The following CLIC5 variants were observed in gnomAD, a reference collection of about 807,000 sequenced individuals.
CLIC5 encodes CLIC family member 5.
A neutral mutation model predicts 24.7 loss-of-function variants in CLIC5; 20 were observed. The observed-to-expected ratio is 0.81, with a 90% confidence interval of 0.57 to 1.18. The LOEUF is 1.18. CLIC5 is among the 50% of genes most tolerant of loss of function. The pLI is 0.00. For synonymous variants in CLIC5, 159 were observed against 135.6 expected (o/e 1.17, Z -1.20); for missense variants, 341 against 326.1 (o/e 1.05, Z -0.35).
the CLIC5 span, among the ~76,000 whole-genome samples, chr6:46,124,838 A>T: frequency 6.6e-6 from 1 of 152,236 alleles, no homozygotes; most frequent in African/African-American, 2.4e-5. Context: ...GCTCATCATC[A>T]CTGGCCATCA....
chr6:46,018,563 C>T (rs1318994957), upstream of CLIC5, among the ~76,000 whole-genome samples: 2 of 152,126 alleles, frequency 1.3e-5, no homozygotes, highest in Non-Finnish European at 2.9e-5. Context: ...CATATTATGC[C>T]TTAGCTCAAG....
chr6:45,982,185 A>G (rs1448405124), intron 1 of CLIC5, among the ~76,000 whole-genome samples: 1 of 152,010 alleles, frequency 6.6e-6, no homozygotes, highest in African/African-American at 2.4e-5. Flanking sequence ...GGAAAGGTGA[A>G]CAAACCTTGG....
intron 1 of CLIC5, among the ~76,000 whole-genome samples, chr6:45,976,315 T>C (rs4711839): frequency 0.66 from 99,718 of 152,018 alleles, 33,049 homozygotes; most frequent in Admixed American, 0.73. Context: ...TTTATTATTT[T>C]CTTGGTAGAT....
At chr6:46,062,028 T>A (rs561919650) in intron 1 of CLIC5, among the ~76,000 whole-genome samples, 2 of 152,354 alleles carry the variant, frequency 1.3e-5, no homozygotes, top group South Asian at 2.1e-4. Context: ...CAGTGGCCAT[T>A]AGCCACTTGT....
chr6:46,007,573 C>T (rs151132651), intron 1 of CLIC5, among the ~76,000 whole-genome samples: 28 of 152,318 alleles, frequency 1.8e-4, no homozygotes, highest in Non-Finnish European at 3.5e-4. Context: ...ACTTCTGCCT[C>T]AGGGCTCTCC....
chr6:45,907,665 G>A (rs1459809467), intron 5 of CLIC5, among the ~76,000 whole-genome samples: 1 of 151,990 alleles, frequency 6.6e-6, no homozygotes, highest in Non-Finnish European at 1.5e-5. Context: ...GGCTTTTACT[G>A]GTTGGTAGGT....
intron 1 of CLIC5, among the ~76,000 whole-genome samples, chr6:45,998,371 T>G (rs965935649): frequency 6.6e-6 from 1 of 152,150 alleles, no homozygotes; most frequent in African/African-American, 2.4e-5. Flanking sequence ...GTCTAAGCAG[T>G]AAATATCAAG....
At chr6:45,934,663 G>A (rs1031942809) in intron 4 of CLIC5, among the ~76,000 whole-genome samples, 2 of 152,222 alleles carry the variant, frequency 1.3e-5, no homozygotes, top group Non-Finnish European at 2.9e-5. Context: ...GGTGGTCAGC[G>A]TGAATAGAGC....
intron 4 of CLIC5, among the ~76,000 whole-genome samples, chr6:45,932,489 C>A (rs182629028): frequency 8.5e-5 from 13 of 152,198 alleles, no homozygotes; most frequent in African/African-American, 3.1e-4. Flanking sequence ...TTGCTTAATA[C>A]GTTTACTTTA....
chr6:46,022,422 G>C (rs560191553), intron 1 of CLIC5, among the ~76,000 whole-genome samples: 6 of 152,282 alleles, frequency 3.9e-5, no homozygotes, highest in Admixed American at 3.9e-4. Context: ...CAATCTCAAG[G>C]ACTTGAGGTT....
At chr6:46,125,328 A>G in the CLIC5 span, among the ~76,000 whole-genome samples, 2 of 152,170 alleles carry the variant, frequency 1.3e-5, no homozygotes, top group Non-Finnish European at 2.9e-5. Context: ...TCGCAAGGAC[A>G]AAAAACCAAA....
At chr6:45,997,740 G>A (rs962002855) in intron 1 of CLIC5, among the ~76,000 whole-genome samples, 5 of 152,220 alleles carry the variant, frequency 3.3e-5, no homozygotes, top group South Asian at 4.1e-4. Flanking sequence ...TTTCCTGCCA[G>A]ATCATGGCAT....
At chr6:45,932,389 G>A (rs1455527335) in intron 4 of CLIC5, among the ~76,000 whole-genome samples, 2 of 152,250 alleles carry the variant, frequency 1.3e-5, no homozygotes, top group Non-Finnish European at 2.9e-5. Flanking sequence ...TTACAGGCGT[G>A]AGCCACCATG....
the CLIC5 span, among the ~76,000 whole-genome samples, chr6:46,120,793 T>C: frequency 6.6e-6 from 1 of 152,132 alleles, no homozygotes; most frequent in Non-Finnish European, 1.5e-5. Context: ...ATGCACAAGC[T>C]TCAGTAGCCG....
At chr6:46,087,681 A>G in the CLIC5 span, among the ~76,000 whole-genome samples, 2 of 152,144 alleles carry the variant, frequency 1.3e-5, no homozygotes, top group African/African-American at 2.4e-5. Context: ...ACACTTCTCT[A>G]GAACCTCCAG....
At chr6:46,121,282 T>A in the CLIC5 span, among the ~76,000 whole-genome samples, 2 of 152,352 alleles carry the variant, frequency 1.3e-5, no homozygotes, top group South Asian at 4.1e-4. Context: ...ATATTCAACA[T>A]TCTTAAAGAA....
chr6:46,115,909 G>A, the CLIC5 span, among the ~76,000 whole-genome samples: 1 of 152,218 alleles, frequency 6.6e-6, no homozygotes, highest in Non-Finnish European at 1.5e-5. Flanking sequence ...TTCAGGGATG[G>A]AAGCTGGCCT....
Position 45,903,062 on chromosome 6 carries a change from G to A in CLIC5, c.*26C>T. The A allele has an allele frequency of 6.2e-7, 1 of 1,613,596 alleles. No individual in the cohort carries two copies. The highest frequency in any genetic ancestry group is 8.5e-7 in the Non-Finnish European group (1 of 1,179,810). On this transcript the variant is annotated 3_prime_UTR_variant, in exon 6 of 6. Transcript: ENST00000339561. Reference sequence around the variant, plus strand: ...AGGGGAGTGGTTGAGTCCTTCTGCAGCGGGGATGGGGCAAAATGGCTGTGC... The same window carrying A: ...AGGGGAGTGGTTGAGTCCTTCTGCAACGGGGATGGGGCAAAATGGCTGTGC...
chr6:45,894,556 G>A (rs76276481), downstream of CLIC5, among the ~76,000 whole-genome samples: 412 of 152,310 alleles, frequency 2.7e-3, no homozygotes, highest in African/African-American at 9.2e-3. Context: ...TTAACAAACT[G>A]TATAGAGTGT....
Sources: allele counts gnomAD v4.1 joint callset (sites outside exome capture counted in the v4.1 genomes callset), GRCh38; gene constraint gnomAD v4.1.1; transcripts MANE v1.5; gene names NCBI Gene and HGNC (gene_info 2026-07-23, HGNC 2026-07-21).